Variants in ALKAL2 observed in about 807,000 individuals in gnomAD.
ALKAL2 encodes the protein AUG-alpha.
Under a neutral mutation model 18.5 loss-of-function variants are expected in ALKAL2, and 8 were observed. That is an observed-to-expected ratio of 0.43 (90% CI 0.25 to 0.78). The LOEUF is 0.78. ALKAL2 is among the 30% of genes least tolerant of loss of function. The pLI, the probability that ALKAL2 is intolerant of heterozygous loss-of-function variation, is 0.22. For synonymous variants in ALKAL2, 135 were observed against 95.8 expected, an observed-to-expected ratio of 1.41 and a Z score of -2.39; for missense variants, 241 against 211.2, an observed-to-expected ratio of 1.14 and a Z score of -0.88.
chr2:286,929 G>A (rs1179441572), intron 2 of ALKAL2: 1 of 152,182 alleles, frequency 6.6e-6, no homozygotes, highest in Non-Finnish European at 1.5e-5. Flanking sequence ...CTTCCACCAG[G>A]GTTCTCCGCA....
At chr2:283,535 A>C (rs927568946) in intron 4 of ALKAL2, 1 of 985,424 alleles carries the variant, frequency 1.0e-6, no homozygotes, top group Non-Finnish European at 1.2e-6. Context: ...CTTTCAGGTC[A>C]TGTGCAGGCT....
chr2:283,068 C>G (rs1426693520), intron 5 of ALKAL2, 43 bp downstream of exon 5: 2 of 1,567,130 alleles, frequency 1.3e-6, no homozygotes, highest in African/African-American at 2.7e-5. Flanking sequence ...AGCGGGATTC[C>G]CATCTTTGGT....
intron 1 of ALKAL2, 44 bp from the exon 2 acceptor site, chr2:287,936 G>T: frequency 8.1e-7 from 1 of 1,237,404 alleles, no homozygotes. Flanking sequence ...AAGTCAGCGG[G>T]GGAGGGGGAC....
chr2:286,011 GAATAGGC>G (rs1670496593), intron 4 of ALKAL2, 105 bp downstream of exon 4: 3 of 901,686 alleles, frequency 3.3e-6, no homozygotes, highest in African/African-American at 1.7e-5. Context: ...AGTGAGGAAG[GAATAGGC>G]AAATTTGAGC....
At position 283,128 on chromosome 2, in the gene ALKAL2, C is replaced by A; in HGVS notation, c.436G>T (p.Val146Leu). The change falls in exon 5 of 6, where the codon GTG becomes TTG. Residue 146 changes from valine (V) to leucine (L), a missense_variant. Transcript: ENST00000403610. ...RLLTRLAVSP[V>L]CMEDKQ The stretch of plus-strand genomic sequence containing the variant: ...AAGCTTACCTTATCCTCCATGCACA[C>A]TGGACTGACAGCCAGCCGGGTAAGA... 3 of 1,612,840 alleles carry A rather than the reference C, an allele frequency of 1.9e-6. No individual in the cohort carries two copies. The highest frequency in any genetic ancestry group is 2.5e-6 in the Non-Finnish European group (3 of 1,179,492).
intron 5 of ALKAL2, among the ~76,000 whole-genome samples, chr2:281,788 A>AC (rs1167450312): frequency 1.3e-5 from 2 of 151,090 alleles, no homozygotes; most frequent in Non-Finnish European, 3.0e-5. Flanking sequence ...ATAAAGAAAT[A>AC]CCTAAAAAAA....
At chr2:285,730 GA>G (rs566885816) in intron 4 of ALKAL2, among the ~76,000 whole-genome samples, 1 of 152,146 alleles carries the variant, frequency 6.6e-6, no homozygotes, top group African/African-American at 2.4e-5. Flanking sequence ...CCAATGGGAA[GA>G]AAAAGTCTCT....
chr2:284,809 C>T (rs1472844852), intron 4 of ALKAL2, among the ~76,000 whole-genome samples: 1 of 152,132 alleles, frequency 6.6e-6, no homozygotes, highest in African/African-American at 2.4e-5. Context: ...ATCTATGATC[C>T]TATTACTGTA....
chr2:283,463 C>T, intron 4 of ALKAL2: 3 of 985,422 alleles, frequency 3.0e-6, no homozygotes, highest in Non-Finnish European at 3.6e-6. Flanking sequence ...CTGCCCATTG[C>T]TTCTCTCAGA....
intron 4 of ALKAL2, among the ~76,000 whole-genome samples, chr2:284,848 CATCAAAACA>C (rs1670455412): frequency 6.6e-6 from 1 of 152,088 alleles, no homozygotes; most frequent in African/African-American, 2.4e-5. Context: ...AATATATGTA[CATCAAAACA>C]ATACAAACGA....
intron 5 of ALKAL2, among the ~76,000 whole-genome samples, chr2:282,325 A>C (rs973168402): frequency 6.6e-6 from 1 of 152,222 alleles, no homozygotes; most frequent in African/African-American, 2.4e-5. Context: ...CCTTTTCATG[A>C]ATGTGCTCCG....
chr2:287,470 A>G, intron 2 of ALKAL2, 113 bp downstream of exon 2: 5 of 584,988 alleles, frequency 8.5e-6, no homozygotes, highest in Admixed American at 4.5e-5. Flanking sequence ...AAAAAAAAAA[A>G]GGAATCCTGC....
At chr2:285,421 A>G (rs60149603) in intron 4 of ALKAL2, among the ~76,000 whole-genome samples, 43,585 of 152,054 alleles carry the variant, frequency 0.29, 6,670 homozygotes, top group Non-Finnish European at 0.34. Flanking sequence ...TTCTCCTGTG[A>G]GCCTTAAATA....
intron 2 of ALKAL2, chr2:286,640 T>G: frequency 3.6e-6 from 1 of 275,908 alleles, no homozygotes; most frequent in Non-Finnish European, 6.7e-6. Flanking sequence ...AAAACTGTTT[T>G]TTTTTTCTTT....
chr2:285,036 G>A (rs1176170185), intron 4 of ALKAL2, among the ~76,000 whole-genome samples: 2 of 152,170 alleles, frequency 1.3e-5, no homozygotes, highest in Non-Finnish European at 2.9e-5. Flanking sequence ...GCCTTGGCGT[G>A]AGGATGATGT....
chr2:287,479 G>C (rs1339535444), intron 2 of ALKAL2, 104 bp downstream of exon 2: 5 of 675,680 alleles, frequency 7.4e-6, no homozygotes, highest in South Asian at 4.9e-5. Context: ...AAGGAATCCT[G>C]CTGTTCAGTG....
chr2:286,481 T>G, intron 2 of ALKAL2, 138 bp from the exon 3 acceptor site: 19 of 615,360 alleles, frequency 3.1e-5, no homozygotes, highest in Non-Finnish European at 3.1e-5. Context: ...ACTGGGGCCC[T>G]GGATTGCAAC....
intron 5 of ALKAL2, among the ~76,000 whole-genome samples, chr2:282,736 G>C (rs6708541): frequency 6.6e-6 from 1 of 152,058 alleles, no homozygotes; most frequent in Admixed American, 6.5e-5. Context: ...TGAATTTGCA[G>C]GGACAATGTT....
In ALKAL2 at chr2:280,533, C is replaced by T. The variant is rs114111234; in HGVS notation, c.454-381G>A. Among the ~76,000 whole-genome samples, 458 of 152,324 alleles carry T rather than the reference C, an allele frequency of 3.0e-3. 4 individuals carry two copies. Among genetic ancestry groups the T allele is most frequent in the African/African-American group, 0.011 (437 of 41,578 alleles). On this transcript the variant is annotated intron_variant, in intron 5 of 5. Coordinates refer to ENST00000403610, the MANE Select transcript of ALKAL2 (RefSeq NM_001002919.3). ...GGTAAAGCTAATAATCGAGATTAGA[C>T]ATTTGTTTCTAGCATTCTTTGTTGG...
Sources: gnomAD v4.1 joint callset for allele counts (sites outside exome capture counted in the v4.1 genomes callset) on GRCh38, gnomAD v4.1.1 for gene constraint, MANE v1.5 for transcripts, NCBI Gene and HGNC (gene_info 2026-07-23, HGNC 2026-07-21) for gene names.